The following POLR2M variants were observed in gnomAD, a reference collection of about 807,000 sequenced individuals.
The protein encoded by POLR2M is RNA polymerase II subunit M.
POLR2M carries 30 observed loss-of-function variants against 34.6 expected under a neutral mutation model. The observed-to-expected ratio is 0.87, with a 90% confidence interval of 0.65 to 1.18. The LOEUF (loss-of-function observed/expected upper bound fraction) is 1.18, where lower values mean the gene tolerates loss of function less well. Among genes scored for constraint, POLR2M ranks in the 50% most tolerant of loss-of-function variants. The probability of loss-of-function intolerance (pLI) is 0.00; values close to 1 mark genes in which losing one functional copy is unlikely to be tolerated. For synonymous variants in POLR2M, 150 were observed against 166.7 expected (o/e 0.90, Z 0.77); for missense variants, 432 against 448.7 (o/e 0.96, Z 0.34).
intron 2 of POLR2M, among the ~76,000 whole-genome samples, chr15:57,711,167 C>T (rs754520852): frequency 1.3e-5 from 2 of 152,120 alleles, no homozygotes; most frequent in Non-Finnish European, 2.9e-5. Flanking sequence ...AAGGTATCTT[C>T]GATTTTTCTC....
At chr15:57,712,662 C>T (rs930812343) in intron 3 of POLR2M, among the ~76,000 whole-genome samples, 1 of 152,140 alleles carries the variant, frequency 6.6e-6, no homozygotes, top group South Asian at 2.1e-4. Flanking sequence ...AGCCAGCAGA[C>T]AGTGAGACAC....
rs1459101041 is a variant in POLR2M, at chr15:57,715,916, AC to A, written c.*1243del. ...GGTGTAATTATTGCTTTCATTCCTT[AC>A]CCCCCTCAAGCAAATGTGAAAAGTA... On this transcript the variant is annotated 3_prime_UTR_variant, in exon 4 of 4. Coordinates refer to ENST00000299638, the MANE Select transcript of POLR2M (RefSeq NM_015532.5). The A allele has an allele frequency of 6.6e-6, 1 of 152,216 alleles. No individual in the cohort carries two copies. Among genetic ancestry groups the A allele is most frequent in the Non-Finnish European group, 1.5e-5 (1 of 68,038 alleles). 9.4% of individuals were successfully genotyped at this position (152,216 alleles called of 1,614,324 possible). A position where few individuals can be genotyped will look rare whatever the true frequency, so the allele number is the denominator to read the frequency against.
Position 57,709,179 on chromosome 15 carries a change from T to A in POLR2M, c.579T>A (p.Ile193=). ...DTSSSFDNLF[I]DRLQRITIAD... ...CCAGCAGCTTTGACAACCTGTTTAT[T>A]GACAGGTTACAGAGGATCACCATTG... Residue 193 remains isoleucine, a synonymous_variant, in exon 2 of 4, where the codon ATT becomes ATA. Transcript: ENST00000299638. The A allele has an allele frequency of 6.2e-7, 1 of 1,614,206 alleles. No individual in the cohort carries two copies. The highest frequency in any genetic ancestry group is 8.5e-7 in the Non-Finnish European group (1 of 1,180,044).
rs1406193795 is a variant in POLR2M, at chr15:57,715,556, C to T, written c.*877C>T. 6.6e-6 allele frequency: 1 copy of T among 152,040 alleles called. No homozygotes were observed. The highest frequency in any genetic ancestry group is 1.5e-5 in the Non-Finnish European group (1 of 68,012). The allele number at this position is 152,040 out of a possible 1,614,324, so 9.4% of individuals were successfully genotyped here. The stretch of plus-strand genomic sequence containing the variant: ...CTGTCACAGATGATAGGTTCATGTA[C>T]ACAACATTAATGTTTGATAAGGAAA... On this transcript the variant is annotated 3_prime_UTR_variant, in exon 4 of 4. Transcript: ENST00000299638.
chr15:57,711,481 C>CT (rs1484840398), intron 2 of POLR2M, among the ~76,000 whole-genome samples: 2 of 152,216 alleles, frequency 1.3e-5, no homozygotes, highest in African/African-American at 4.8e-5. Flanking sequence ...ACCTTCTGTA[C>CT]TTTCTCTCAC....
intron 2 of POLR2M, 69 bp downstream of exon 2, chr15:57,709,427 A>G: frequency 6.5e-7 from 1 of 1,531,562 alleles, no homozygotes; most frequent in East Asian, 2.3e-5. Flanking sequence ...TTTACGAGAA[A>G]CTGGGTGTGG....
intron 3 of POLR2M, among the ~76,000 whole-genome samples, chr15:57,714,079 C>A (rs1567270588): frequency 1.3e-5 from 2 of 151,940 alleles, no homozygotes; most frequent in South Asian, 2.1e-4. Context: ...GATCTCCTGA[C>A]CTCGTGATCC....
At chr15:57,714,317 A>G (rs1179239699) in intron 3 of POLR2M, among the ~76,000 whole-genome samples, 2 of 152,112 alleles carry the variant, frequency 1.3e-5, no homozygotes, top group Admixed American at 6.5e-5. Flanking sequence ...TTGTATATTA[A>G]TGGAGGTCAG....
chr15:57,710,760 G>T (rs72745581), intron 2 of POLR2M, among the ~76,000 whole-genome samples: 13,179 of 152,218 alleles, frequency 0.087, 1,290 homozygotes, highest in East Asian at 0.56. Flanking sequence ...AAGAGACAGG[G>T]AGCCTCCTGT....
At chr15:57,708,414 G>A (rs1259855950) in intron 1 of POLR2M, among the ~76,000 whole-genome samples, 1 of 152,190 alleles carries the variant, frequency 6.6e-6, no homozygotes. Flanking sequence ...TTTAATGACT[G>A]CTGGTTCTTG....
At chr15:57,713,164 G>A (rs1253321039) in intron 3 of POLR2M, among the ~76,000 whole-genome samples, 1 of 147,874 alleles carries the variant, frequency 6.8e-6, no homozygotes, top group Non-Finnish European at 1.5e-5. Context: ...ACTGCACTCT[G>A]TATAGCCTGG....
intron 1 of POLR2M, chr15:57,707,484 C>T (rs2040541616): frequency 3.8e-6 from 2 of 525,502 alleles, no homozygotes; most frequent in Non-Finnish European, 7.3e-6. Context: ...TGTTCAGCAG[C>T]TTGTTGCAAA....
intron 1 of POLR2M, 146 bp downstream of exon 1, chr15:57,707,101 G>T (rs935211579): frequency 6.5e-7 from 1 of 1,547,274 alleles, no homozygotes; most frequent in African/African-American, 1.4e-5. Context: ...GCGAGTGGAC[G>T]GAGGGCTTGC....
chr15:57,709,339 C>G lies in POLR2M; in HGVS notation c.739C>G (p.Arg247Gly). The G allele has an allele frequency of 6.2e-7, 1 of 1,612,898 alleles. No individual in the cohort carries two copies. The highest frequency in any genetic ancestry group is 1.1e-5 in the South Asian group (1 of 90,962). ...AGCCAAAAACCCAGTGCCCCAGCTG[C>G]GTAAATTTAAAACCAATGTGTAAGT... ...MRAKNPVPQL[R>G]KFKTNVLPFR... The change falls in exon 2 of 4, where the codon CGT becomes GGT. Residue 247 changes from arginine to glycine, a missense_variant. Transcript: ENST00000299638.
chr15:57,706,980 C>T, intron 1 of POLR2M, 25 bp downstream of exon 1: 2 of 1,563,726 alleles, frequency 1.3e-6, no homozygotes, highest in Non-Finnish European at 1.7e-6. Context: ...CGCGGAGTCT[C>T]CGCCAGGCTC....
At chr15:57,711,671 T>C (rs1277125206) in intron 2 of POLR2M, among the ~76,000 whole-genome samples, 2 of 152,042 alleles carry the variant, frequency 1.3e-5, no homozygotes, top group African/African-American at 2.4e-5. Flanking sequence ...TGGTATTGTA[T>C]TGCACTGAAA....
chr15:57,707,420 G>A (rs886581881), intron 1 of POLR2M: 5 of 649,812 alleles, frequency 7.7e-6, no homozygotes, highest in Non-Finnish European at 1.4e-5. Flanking sequence ...CTGGTTGAAC[G>A]GATTTTAGCA....
chr15:57,714,733 T>C lies in POLR2M; in HGVS notation c.*54T>C. 1 of 1,582,880 alleles carries C rather than the reference T, an allele frequency of 6.3e-7. No individual in the cohort carries two copies. Among genetic ancestry groups the C allele is most frequent in the Non-Finnish European group, 8.6e-7 (1 of 1,163,564 alleles). On this transcript the variant is annotated 3_prime_UTR_variant, in exon 4 of 4. Coordinates refer to ENST00000299638, the MANE Select transcript of POLR2M (RefSeq NM_015532.5). ...GATGTCATCATCTTACATCAGACTT[T>C]CTAACTAGTATCAAGATCAGTGTCA...
intron 3 of POLR2M, among the ~76,000 whole-genome samples, chr15:57,712,839 G>A (rs767823612): frequency 2.2e-4 from 34 of 152,206 alleles, no homozygotes; most frequent in Non-Finnish European, 4.6e-4. Context: ...GAAAATAAGT[G>A]TGAAGGACCA....
Sources: allele counts gnomAD v4.1 joint callset (sites outside exome capture counted in the v4.1 genomes callset), GRCh38; gene constraint gnomAD v4.1.1; transcripts MANE v1.5; gene names NCBI Gene and HGNC (gene_info 2026-07-23, HGNC 2026-07-21).